Variants in NEK7 observed in about 807,000 individuals in gnomAD.
The protein encoded by NEK7 is serine/threonine-protein kinase Nek7.
A neutral mutation model predicts 44.6 loss-of-function variants in NEK7; 18 were observed. That is an observed-to-expected ratio of 0.40 (90% CI 0.28 to 0.60). The LOEUF (loss-of-function observed/expected upper bound fraction) is 0.60. NEK7 is among the 20% of genes least tolerant of loss of function. The pLI, the probability that NEK7 is intolerant of heterozygous loss-of-function variation, is 0.38. For synonymous variants in NEK7, 130 were observed against 121.1 expected (o/e 1.07, Z -0.48); for missense variants, 256 against 366.5 (o/e 0.70, Z 2.46).
chr1:198,251,619 A>G (rs1310505519), intron 2 of NEK7, among the ~76,000 whole-genome samples: 2 of 152,004 alleles, frequency 1.3e-5, no homozygotes, highest in African/African-American at 2.4e-5. Flanking sequence ...TGTATGTGTC[A>G]AGGAATTTAT....
intron 1 of NEK7, among the ~76,000 whole-genome samples, chr1:198,210,522 C>CCCAA (rs1308394798): frequency 1.3e-5 from 2 of 151,462 alleles, no homozygotes; most frequent in African/African-American, 4.9e-5. Context: ...TAATATGTAC[C>CCCAA]TTCTTATATG....
chr1:198,198,963 T>C (rs1342423528), intron 1 of NEK7, among the ~76,000 whole-genome samples: 1 of 152,186 alleles, frequency 6.6e-6, no homozygotes, highest in Non-Finnish European at 1.5e-5. Flanking sequence ...CACTACTGCT[T>C]ATGTGGGGGG....
chr1:198,257,655 A>C (rs570533629), intron 3 of NEK7, among the ~76,000 whole-genome samples: 1 of 152,352 alleles, frequency 6.6e-6, no homozygotes, highest in South Asian at 2.1e-4. Context: ...TGTAAGAATA[A>C]TTCATAAATG....
At chr1:198,210,538 C>G (rs1428929961) in intron 1 of NEK7, among the ~76,000 whole-genome samples, 1 of 151,510 alleles carries the variant, frequency 6.6e-6, no homozygotes, top group Non-Finnish European at 1.5e-5. Context: ...ATATGTAATC[C>G]CAAATTTAGT....
intron 4 of NEK7, 127 bp from the exon 5 acceptor site, chr1:198,263,998 A>G (rs1320909493): frequency 1.1e-6 from 1 of 893,914 alleles, no homozygotes; most frequent in African/African-American, 1.8e-5. Flanking sequence ...AAAGAAAAGT[A>G]TACTGTCATG....
chr1:198,244,968 A>G (rs914639570), intron 2 of NEK7, among the ~76,000 whole-genome samples: 3 of 152,340 alleles, frequency 2.0e-5, no homozygotes, highest in Admixed American at 6.5e-5. Context: ...AAGCTTAACT[A>G]TAAATAGCCT....
At chr1:198,194,187 G>A (rs1209055336) in intron 1 of NEK7, among the ~76,000 whole-genome samples, 1 of 152,090 alleles carries the variant, frequency 6.6e-6, no homozygotes, top group Admixed American at 6.5e-5. Flanking sequence ...GGATGGAGAT[G>A]TTTAGGAGAG....
At chr1:198,207,864 A>G (rs948951539) in intron 1 of NEK7, among the ~76,000 whole-genome samples, 6 of 152,226 alleles carry the variant, frequency 3.9e-5, no homozygotes, top group African/African-American at 1.4e-4. Flanking sequence ...TAAATGTTAA[A>G]AAGGGACATA....
At chr1:198,309,051 A>G (rs147821615) in intron 9 of NEK7, among the ~76,000 whole-genome samples, 31 of 152,296 alleles carry the variant, frequency 2.0e-4, no homozygotes, top group Non-Finnish European at 1.5e-4. Context: ...ATGAAGTACA[A>G]TAAAGTGTTA....
intron 9 of NEK7, among the ~76,000 whole-genome samples, chr1:198,314,712 C>T (rs1323234869): frequency 1.3e-5 from 2 of 152,166 alleles, no homozygotes; most frequent in African/African-American, 2.4e-5. Context: ...TCAGTATGCC[C>T]CTGCAGGGGG....
At chr1:198,316,773 T>C (rs548805329) in intron 9 of NEK7, among the ~76,000 whole-genome samples, 1 of 152,152 alleles carries the variant, frequency 6.6e-6, no homozygotes, top group Non-Finnish European at 1.5e-5. Flanking sequence ...TTGGAAACTA[T>C]TGAATGAACA....
intron 1 of NEK7, among the ~76,000 whole-genome samples, chr1:198,201,863 A>C (rs1462153952): frequency 6.6e-6 from 1 of 152,202 alleles, no homozygotes; most frequent in Non-Finnish European, 1.5e-5. Flanking sequence ...GAAACACTTG[A>C]AGGTCACAGT....
At chr1:198,264,102 T>C (rs762185049) in intron 4 of NEK7, 23 bp from the exon 5 acceptor site, 3 of 1,571,284 alleles carry the variant, frequency 1.9e-6, no homozygotes, top group Non-Finnish European at 2.6e-6. Context: ...GAAAACTTTC[T>C]GATGCCTGTT....
At chr1:198,215,688 T>G (rs1186986480) in intron 1 of NEK7, among the ~76,000 whole-genome samples, 1 of 152,074 alleles carries the variant, frequency 6.6e-6, no homozygotes, top group Non-Finnish European at 1.5e-5. Context: ...AGGATTCTTA[T>G]GGACTTAAGG....
chr1:198,189,096 G>A (rs1664996315), intron 1 of NEK7, among the ~76,000 whole-genome samples: 2 of 152,136 alleles, frequency 1.3e-5, no homozygotes, highest in South Asian at 4.1e-4. Context: ...TTAACAGTTT[G>A]CCTAGGAAAT....
intron 2 of NEK7, among the ~76,000 whole-genome samples, chr1:198,236,214 G>A (rs563036149): frequency 1.3e-5 from 2 of 152,140 alleles, no homozygotes; most frequent in South Asian, 4.2e-4. Flanking sequence ...TACTTTCTTT[G>A]TGAAGTAAGT....
chr1:198,214,859 T>A (rs1007891619), intron 1 of NEK7, among the ~76,000 whole-genome samples: 1 of 151,960 alleles, frequency 6.6e-6, no homozygotes, highest in Non-Finnish European at 1.5e-5. Context: ...AAGAAGAATA[T>A]CATCAAGGCA....
intron 1 of NEK7, among the ~76,000 whole-genome samples, chr1:198,225,709 A>G (rs1666199373): frequency 1.3e-5 from 2 of 152,108 alleles, no homozygotes; most frequent in African/African-American, 4.8e-5. Flanking sequence ...AATTACTTAT[A>G]AAGTGGTGTG....
At chr1:198,290,811 G>A (rs912289200) in intron 7 of NEK7, among the ~76,000 whole-genome samples, 1 of 151,970 alleles carries the variant, frequency 6.6e-6, no homozygotes, top group African/African-American at 2.4e-5. Context: ...ATATAAAGAG[G>A]CTTGTTATTT....
Sources: allele counts gnomAD v4.1 joint callset (sites outside exome capture counted in the v4.1 genomes callset), GRCh38; gene constraint gnomAD v4.1.1; transcripts MANE v1.5; gene names NCBI Gene and HGNC (gene_info 2026-07-23, HGNC 2026-07-21).